Variants in GIMAP1 observed in about 807,000 individuals in gnomAD.
The protein encoded by GIMAP1 is GTPase IMAP family member 1.
For synonymous variants in GIMAP1, 230 were observed against 187.7 expected, an observed-to-expected ratio of 1.23 and a Z score of -1.84; for missense variants, 423 against 411.9, an observed-to-expected ratio of 1.03 and a Z score of -0.23.
Position 150,720,657 on chromosome 7 carries a change from C to G in GIMAP1, c.653C>G (p.Ala218Gly). The stretch of plus-strand genomic sequence containing the variant: ...GGCTTGGTGCTGGAGCACAAGGGCG[C>G]CCATTACTCCAACGAGGTGTATGAG... ...VEGLVLEHKG[A>G]HYSNEVYELA... Residue 218 changes from alanine (A) to glycine (G), a missense_variant, in exon 3 of 3, where the codon GCC becomes GGC. By Grantham distance (60) the Ala-to-Gly change is moderately conservative. Coordinates refer to ENST00000307194, the MANE Select transcript of GIMAP1 (RefSeq NM_130759.4). This position sits in a 1 kb window ranked among gnomAD's most constrained non-coding sequence, Gnocchi z 4.5. The G allele has an allele frequency of 6.2e-7, 1 of 1,608,042 alleles. No homozygotes were observed. The highest frequency in any genetic ancestry group is 2.2e-5 in the East Asian group (1 of 44,650).
Position 150,720,877 on chromosome 7 carries a change from G to T in GIMAP1, c.873G>T (p.Leu291=). The change falls in exon 3 of 3, where the codon CTG becomes CTT. Residue 291 remains leucine, a synonymous_variant. Coordinates refer to ENST00000307194, the MANE Select transcript of GIMAP1 (RefSeq NM_130759.4). The surrounding 1 kb of genome is among the most constrained non-coding windows in gnomAD (Gnocchi z 4.5). Reference sequence around the variant, plus strand: ...GGGGCGCGCTCCTGTTCTGGGTGCTGCTCCACAGGCGGTGGTCGGAGGCCG... The same window carrying T: ...GGGGCGCGCTCCTGTTCTGGGTGCTTCTCCACAGGCGGTGGTCGGAGGCCG... ...LLGGALLFWV[L]LHRRWSEAVA... is the part of the protein sequence containing the mutation. 1.9e-6 allele frequency: 3 copies of T among 1,600,718 alleles called. No homozygotes were observed. Among genetic ancestry groups the T allele is most frequent in the Non-Finnish European group, 2.5e-6 (3 of 1,177,282 alleles).
At position 150,720,587 on chromosome 7, in the gene GIMAP1, C is replaced by A. The variant is rs774081218; in HGVS notation, c.583C>A (p.Arg195=). 6 of 1,613,650 alleles carry A rather than the reference C, an allele frequency of 3.7e-6. No individual in the cohort carries two copies. The highest frequency in any genetic ancestry group is 4.2e-6 in the Non-Finnish European group (5 of 1,179,842). ...TGCCTTTGATAACCGGGCCACCGGC[C>A]GGGAGCAGGAAGCCCAGGTGGAGCA... ...VCAFDNRATG[R]EQEAQVEQLL... The change falls in exon 3 of 3, where the codon CGG becomes AGG. Residue 195 remains arginine, a synonymous_variant. Transcript: ENST00000307194. The surrounding 1 kb of genome is among the most constrained non-coding windows in gnomAD (Gnocchi z 4.5).
Position 150,724,159 on chromosome 7 carries a change from GGCTCAACACTCATTT to G in GIMAP1, c.*3235_*3249del, listed in dbSNP as rs1464149715. 1.1e-4 allele frequency: 17 copies of G among 151,908 alleles called. No individual in the cohort carries two copies. Among genetic ancestry groups the G allele is most frequent in the Non-Finnish European group, 2.5e-4 (17 of 67,984 alleles). The allele number at this position is 151,908 out of a possible 1,614,324, so 9.4% of individuals were successfully genotyped here. ...CTTGGGGAAGCTATAGCTAGACTAT[GGCTCAACACTCATTT>G]TTCCCCCATGATTCTTAATCTAACA... On this transcript the variant is annotated 3_prime_UTR_variant, in exon 3 of 3. Coordinates refer to ENST00000307194, the MANE Select transcript of GIMAP1 (RefSeq NM_130759.4).
chr7:150,720,740 C>G lies in GIMAP1; in HGVS notation c.736C>G (p.Arg246Gly), dbSNP rs1186690036. Reference protein sequence around the residue: ...PEERLRRVAERVAARVQRRPW... With the variant: ...PEERLRRVAEGVAARVQRRPW... ...GGAGCGGCTCCGGCGGGTGGCGGAG[C>G]GCGTGGCAGCCAGGGTGCAGAGGAG... Residue 246 changes from arginine to glycine, a missense_variant, in exon 3 of 3, where the codon CGC becomes GGC. Transcript: ENST00000307194. This position sits in a 1 kb window ranked among gnomAD's most constrained non-coding sequence, Gnocchi z 4.5. The G allele has an allele frequency of 6.4e-7, 1 of 1,564,730 alleles. No individual in the cohort carries two copies. Among genetic ancestry groups the G allele is most frequent in the East Asian group, 2.4e-5 (1 of 41,860 alleles).
Position 150,720,132 on chromosome 7 carries a change from C to G in GIMAP1, c.128C>G (p.Thr43Ser), listed in dbSNP as rs755874999. Residue 43 changes from threonine (T) to serine (S), a missense_variant, in exon 3 of 3, where the codon ACT becomes AGT. Transcript: ENST00000307194. The surrounding 1 kb of genome is among the most constrained non-coding windows in gnomAD (Gnocchi z 4.5). ...VGRTGAGKSA[T>S]GNSILGQRRF... is the part of the protein sequence containing the mutation. ...AGAACAGGGGCCGGGAAGAGCGCCA[C>G]TGGGAACAGCATCCTGGGCCAGAGA... 1 of 1,613,904 alleles carries G rather than the reference C, an allele frequency of 6.2e-7. No homozygotes were observed. Among genetic ancestry groups the G allele is most frequent in the Admixed American group, 1.7e-5 (1 of 60,014 alleles).
rs762097392 is a variant in GIMAP1, at chr7:150,720,775, C to T, written c.771C>T (p.Gly257=). 18 of 1,573,440 alleles carry T rather than the reference C, an allele frequency of 1.1e-5. No homozygotes were observed. Among genetic ancestry groups the T allele is most frequent in the South Asian group, 2.3e-5 (2 of 86,866 alleles). ...CCAGGGTGCAGAGGAGGCCATGGGGCGCCTGGCTGTCGGCCCGGCTGTGGA... is the reference window on the plus strand; with the variant it reads ...CCAGGGTGCAGAGGAGGCCATGGGGTGCCTGGCTGTCGGCCCGGCTGTGGA... The part of the protein sequence containing the change: ...VAARVQRRPW[G]AWLSARLWKW... The change falls in exon 3 of 3, where the codon GGC becomes GGT. Residue 257 remains glycine (G), a synonymous_variant. Transcript: ENST00000307194. The surrounding 1 kb of genome is among the most constrained non-coding windows in gnomAD (Gnocchi z 4.5).
intron 1 of GIMAP1, among the ~76,000 whole-genome samples, chr7:150,718,059 G>A (rs761150894): frequency 6.7e-6 from 1 of 150,152 alleles, no homozygotes; most frequent in Non-Finnish European, 1.5e-5. Context: ...GATGGTCGGG[G>A]AGGATCAATA....
Position 150,719,108 on chromosome 7 carries a change from C to A in GIMAP1, c.43+18C>A, listed in dbSNP as rs780732470. On this transcript the variant is annotated intron_variant, in intron 2 of 2. Coordinates refer to ENST00000307194, the MANE Select transcript of GIMAP1 (RefSeq NM_130759.4). ...TGTCTATGGTAAGACCATATCTCTA[C>A]ACCTCATACTTGCCCCCCTAGGCTT... 53 of 1,614,042 alleles carry A rather than the reference C, an allele frequency of 3.3e-5. No individual in the cohort carries two copies. Among genetic ancestry groups the A allele is most frequent in the Non-Finnish European group, 4.3e-5 (51 of 1,180,030 alleles).
At chr7:150,717,424 A>T (rs997510894) in intron 1 of GIMAP1, among the ~76,000 whole-genome samples, 4 of 152,250 alleles carry the variant, frequency 2.6e-5, no homozygotes, top group Non-Finnish European at 4.4e-5. Context: ...TCTGAGAAGC[A>T]GCACATTTGA....
chr7:150,720,464 A>C lies in GIMAP1; in HGVS notation c.460A>C (p.Lys154Gln), dbSNP rs1797281596. ...LKWMVIVFTRKEDLAGGSLHD... is the reference protein window; with the variant it reads ...LKWMVIVFTRQEDLAGGSLHD... Reference sequence around the variant, plus strand: ...ATGGATGGTCATCGTCTTCACCAGGAAGGAGGACCTGGCCGGGGGCTCCCT... The same window carrying C: ...ATGGATGGTCATCGTCTTCACCAGGCAGGAGGACCTGGCCGGGGGCTCCCT... Residue 154 changes from lysine (K) to glutamine (Q), a missense_variant, in exon 3 of 3, where the codon AAG becomes CAG. Coordinates refer to ENST00000307194, the MANE Select transcript of GIMAP1 (RefSeq NM_130759.4). The surrounding 1 kb of genome is among the most constrained non-coding windows in gnomAD (Gnocchi z 4.5). 4 of 1,572,154 alleles carry C rather than the reference A, an allele frequency of 2.5e-6. No individual in the cohort carries two copies. In the East Asian group the frequency reaches 9.0e-5, roughly 35 times the overall value.
intron 2 of GIMAP1, chr7:150,719,413 C>A: frequency 3.3e-6 from 1 of 304,932 alleles, no homozygotes; most frequent in Non-Finnish European, 6.0e-6. Flanking sequence ...GTTTAGAGAA[C>A]AAGGATAGAG....
intron 2 of GIMAP1, chr7:150,719,329 C>A (rs956986685): frequency 1.1e-4 from 58 of 540,196 alleles, no homozygotes; most frequent in Non-Finnish European, 1.3e-5. Flanking sequence ...AATAAACCTA[C>A]TCCGATCACC....
At chr7:150,719,231 A>G in intron 2 of GIMAP1, 141 bp downstream of exon 2, 1 of 1,019,324 alleles carries the variant, frequency 9.8e-7, no homozygotes, top group Non-Finnish European at 1.4e-6. Flanking sequence ...ACCAGCCCTG[A>G]GATCTGCATT....
In GIMAP1 at chr7:150,720,528, G is replaced by A. The variant is rs368249123; in HGVS notation, c.524G>A (p.Arg175His). The A allele has an allele frequency of 3.8e-5, 61 of 1,606,556 alleles. No homozygotes were observed. The African/African-American group carries it at 8.0e-4, about 21-fold the overall frequency. The change falls in exon 3 of 3, where the codon CGC (arginine) becomes CAC (histidine). Residue 175 changes from arginine (R) to histidine (H), a missense_variant. Coordinates refer to ENST00000307194, the MANE Select transcript of GIMAP1 (RefSeq NM_130759.4). This position sits in a 1 kb window ranked among gnomAD's most constrained non-coding sequence, Gnocchi z 4.5. ...YVSNTENRAL[R>H]ELVAECGGRV... ...AGCAACACAGAGAACCGGGCCTTGC[G>A]CGAGCTGGTGGCCGAGTGCGGGGGC...
In GIMAP1 at chr7:150,720,442, G is replaced by C; in HGVS notation, c.438G>C (p.Trp146Cys). 1 of 1,572,770 alleles carries C rather than the reference G, an allele frequency of 6.4e-7. No homozygotes were observed. The highest frequency in any genetic ancestry group is 1.3e-5 in the African/African-American group (1 of 74,246). ...RDMFGEDVLK[W>C]MVIVFTRKED... Reference sequence around the variant, plus strand: ...TGTTCGGGGAGGACGTCCTAAAATGGATGGTCATCGTCTTCACCAGGAAGG... The same window carrying C: ...TGTTCGGGGAGGACGTCCTAAAATGCATGGTCATCGTCTTCACCAGGAAGG... Residue 146 changes from tryptophan (W) to cysteine (C), a missense_variant, in exon 3 of 3, where the codon TGG (tryptophan) becomes TGC (cysteine). Coordinates refer to ENST00000307194, the MANE Select transcript of GIMAP1 (RefSeq NM_130759.4). This position sits in a 1 kb window ranked among gnomAD's most constrained non-coding sequence, Gnocchi z 4.5.
In GIMAP1 at chr7:150,720,786, C is replaced by T. The variant is rs750845429; in HGVS notation, c.782C>T (p.Ser261Leu). ...AGGAGGCCATGGGGCGCCTGGCTGTCGGCCCGGCTGTGGAAGTGGCTGAAG... is the reference window on the plus strand; with the variant it reads ...AGGAGGCCATGGGGCGCCTGGCTGTTGGCCCGGCTGTGGAAGTGGCTGAAG... ...VQRRPWGAWL[S>L]ARLWKWLKSP... is the part of the protein sequence containing the mutation. The change falls in exon 3 of 3, where the codon TCG becomes TTG. Residue 261 changes from serine (S) to leucine (L), a missense_variant. Physicochemically the swap from Ser to Leu is moderately radical, Grantham distance 145. Coordinates refer to ENST00000307194, the MANE Select transcript of GIMAP1 (RefSeq NM_130759.4). The surrounding 1 kb of genome is among the most constrained non-coding windows in gnomAD (Gnocchi z 4.5). 1.3e-6 allele frequency: 2 copies of T among 1,579,982 alleles called. No homozygotes were observed. The highest frequency in any genetic ancestry group is 1.7e-6 in the Non-Finnish European group (2 of 1,163,930).
intron 1 of GIMAP1, among the ~76,000 whole-genome samples, chr7:150,717,494 T>C (rs1371820903): frequency 1.3e-5 from 2 of 152,144 alleles, no homozygotes; most frequent in African/African-American, 4.8e-5. Context: ...CAGGATTCTA[T>C]AAGTGTACAT....
In GIMAP1 at chr7:150,720,056, G is replaced by A. The variant is rs751170712; in HGVS notation, c.52G>A (p.Glu18Lys). 4 of 1,593,848 alleles carry A rather than the reference G, an allele frequency of 2.5e-6. No homozygotes were observed. In the Admixed American group the frequency reaches 5.2e-5, roughly 21 times the overall value. ...TDEENVYGLE[E>K]NAQSRQESTR... is the part of the protein sequence containing the mutation. Reference sequence around the variant, plus strand: ...AACACTTGGTCTCACAGGTTTAGAAGAGAACGCTCAGTCCCGGCAGGAGTC... The same window carrying A: ...AACACTTGGTCTCACAGGTTTAGAAAAGAACGCTCAGTCCCGGCAGGAGTC... Residue 18 changes from glutamate (E) to lysine (K), a missense_variant, in exon 3 of 3, where the codon GAG becomes AAG. Transcript: ENST00000307194. The surrounding 1 kb of genome is among the most constrained non-coding windows in gnomAD (Gnocchi z 4.5).
chr7:150,719,325 CCTA>C (rs1797260832), intron 2 of GIMAP1: 11 of 549,294 alleles, frequency 2.0e-5, no homozygotes, highest in Non-Finnish European at 3.6e-5. Flanking sequence ...GGATAATAAA[CCTA>C]CTCCGATCAC....
Sources: allele counts gnomAD v4.1 joint callset (sites outside exome capture counted in the v4.1 genomes callset), GRCh38; gene constraint gnomAD v4.1.1; non-coding constraint Gnocchi (gnomAD v3.1); transcripts MANE v1.5; gene names NCBI Gene and HGNC (gene_info 2026-07-23, HGNC 2026-07-21).